RANBP9: variants seen among roughly 807,000 people sequenced by gnomAD.
RANBP9 encodes the protein RAN binding protein 9.
In RANBP9, 15 loss-of-function variants were observed where a neutral mutation model predicts 84.3. That is an observed-to-expected ratio of 0.18 (90% CI 0.12 to 0.27). The LOEUF is 0.27. Ranked by LOEUF, RANBP9 falls within the 10% of genes least tolerant of loss-of-function variation. The probability of loss-of-function intolerance (pLI) is 1.00; values close to 1 mark genes in which losing one functional copy is unlikely to be tolerated. For synonymous variants in RANBP9, 392 were observed against 349.6 expected (o/e 1.12, Z -1.35); for missense variants, 809 against 912.8 (o/e 0.89, Z 1.46).
At chr6:13,683,035 T>C (rs1447964641) in intron 2 of RANBP9, among the ~76,000 whole-genome samples, 1 of 152,242 alleles carries the variant, frequency 6.6e-6, no homozygotes, top group East Asian at 1.9e-4. Flanking sequence ...GGAAAACTCC[T>C]TAGATTCTGT....
rs546527624 is a variant in RANBP9 at position 13,665,044 on chromosome 6, A to G, written c.684-6212T>C. Reference sequence around the variant, plus strand: ...AGTCTTTTGAACAAATAGTAAAAAGATAACTGACATCCATGTGGAAAAAAG... The same window carrying G: ...AGTCTTTTGAACAAATAGTAAAAAGGTAACTGACATCCATGTGGAAAAAAG... On this transcript the variant is annotated intron_variant, in intron 2 of 13. Transcript: ENST00000011619. Among the ~76,000 whole-genome samples, 4 of 152,310 alleles carry G rather than the reference A, an allele frequency of 2.6e-5. No individual in the cohort carries two copies. In the South Asian group the frequency reaches 8.3e-4, roughly 32 times the overall value.
chr6:13,690,080 T>G (rs931879795), intron 2 of RANBP9, among the ~76,000 whole-genome samples: 1 of 152,190 alleles, frequency 6.6e-6, no homozygotes, highest in Non-Finnish European at 1.5e-5. Flanking sequence ...GACTCATGTC[T>G]TAGAACATGT....
chr6:13,704,387 G>A (rs1758047781), intron 1 of RANBP9, among the ~76,000 whole-genome samples: 1 of 152,102 alleles, frequency 6.6e-6, no homozygotes, highest in Non-Finnish European at 1.5e-5. Flanking sequence ...TAGCACTTTG[G>A]GAGGCTAAGG....
chr6:13,648,450 T>G (rs1331473105), intron 5 of RANBP9, among the ~76,000 whole-genome samples: 2 of 152,126 alleles, frequency 1.3e-5, no homozygotes, highest in Non-Finnish European at 2.9e-5. Context: ...CTGGCTTCTT[T>G]TATTTAGCAT....
intron 1 of RANBP9, among the ~76,000 whole-genome samples, chr6:13,698,720 A>G (rs1757898398): frequency 6.6e-6 from 1 of 152,210 alleles, no homozygotes; most frequent in African/African-American, 2.4e-5. Flanking sequence ...TTAATATCCA[A>G]AACAACCCCA....
intron 2 of RANBP9, among the ~76,000 whole-genome samples, chr6:13,692,246 A>G (rs564460289): frequency 1.3e-5 from 2 of 152,210 alleles, no homozygotes; most frequent in Non-Finnish European, 2.9e-5. Context: ...AAAGAAGTAC[A>G]ATAGTTTGGC....
At position 13,706,592 on chromosome 6, in the gene RANBP9, C is replaced by CT. The variant is rs537907549; in HGVS notation, c.571+4342dup. ...CCTGTATTCTCAGCTATTCAGGAGG[C>CT]TGAGGCAGAAGAATTGCTTGAACCC... On this transcript the variant is annotated intron_variant, in intron 1 of 13. Transcript: ENST00000011619. 1.7e-4 allele frequency among the ~76,000 whole-genome samples: 25 copies of CT among 151,264 alleles called. No individual in the cohort carries two copies. The South Asian group carries it at 4.2e-3, about 25-fold the overall frequency.
chr6:13,665,889 T>C (rs939118652), intron 2 of RANBP9, among the ~76,000 whole-genome samples: 2 of 152,200 alleles, frequency 1.3e-5, no homozygotes, highest in Non-Finnish European at 1.5e-5. Context: ...TAATTCCTTT[T>C]ATATGAAATT....
At chr6:13,647,696 GTATATA>G (rs1389638405) in intron 5 of RANBP9, among the ~76,000 whole-genome samples, 3 of 152,026 alleles carry the variant, frequency 2.0e-5, no homozygotes, top group Admixed American at 6.6e-5. Context: ...GTACATTTCT[GTATATA>G]TAAACATTTC....
At chr6:13,669,762 T>C (rs1765731270) in intron 2 of RANBP9, among the ~76,000 whole-genome samples, 1 of 152,134 alleles carries the variant, frequency 6.6e-6, no homozygotes, top group Admixed American at 6.5e-5. Context: ...CTAACTTTTT[T>C]TCGCATTTTT....
Position 13,642,554 on chromosome 6 carries a change from C to T in RANBP9, c.1150G>A (p.Ala384Thr). Residue 384 changes from alanine (A) to threonine (T), a missense_variant, in exon 7 of 14, where the codon GCC becomes ACC. Transcript: ENST00000011619. ...SSYLVHHGYCATAEAFARSTD... is the reference protein window; with the variant it reads ...SSYLVHHGYCTTAEAFARSTD... The stretch of plus-strand genomic sequence containing the variant: ...GATCTGGCAAAGGCCTCTGCTGTGG[C>T]ACAGTACCCATGGTGGACTAAATAA... The T allele has an allele frequency of 1.9e-6, 3 of 1,611,330 alleles. No individual in the cohort carries two copies. Among genetic ancestry groups the T allele is most frequent in the Non-Finnish European group, 2.5e-6 (3 of 1,178,186 alleles).
chr6:13,690,683 TTCTC>T (rs1021250660), intron 2 of RANBP9, among the ~76,000 whole-genome samples: 14 of 152,208 alleles, frequency 9.2e-5, no homozygotes, highest in African/African-American at 2.4e-4. Context: ...AAAAATTTTG[TTCTC>T]TCTCACATTT....
rs745787453 is a variant in RANBP9 at position 13,622,119 on chromosome 6, C to T, written c.*243G>A. 4 of 268,016 alleles carry T rather than the reference C, an allele frequency of 1.5e-5. No homozygotes were observed. The highest frequency in any genetic ancestry group is 2.7e-5 in the Non-Finnish European group (4 of 149,068). 16.6% of individuals were successfully genotyped at this position (268,016 alleles called of 1,614,324 possible). On this transcript the variant is annotated 3_prime_UTR_variant, in exon 14 of 14. Coordinates refer to ENST00000011619, the MANE Select transcript of RANBP9 (RefSeq NM_005493.3). The stretch of plus-strand genomic sequence containing the variant: ...AAGGATTTGTGATGATCAATTTGAA[C>T]GTCTGAAATTCAGTAATATTTAACT...
chr6:13,706,998 TC>T (rs1758144885), intron 1 of RANBP9, among the ~76,000 whole-genome samples: 1 of 114,902 alleles, frequency 8.7e-6, no homozygotes, highest in South Asian at 2.9e-4. Flanking sequence ...AGAGCAAGAC[TC>T]TGTCTCAAAA....
intron 2 of RANBP9, among the ~76,000 whole-genome samples, chr6:13,693,521 C>A (rs1378944331): frequency 6.6e-6 from 1 of 152,084 alleles, no homozygotes; most frequent in Non-Finnish European, 1.5e-5. Flanking sequence ...CCGAGGCGGA[C>A]AGATCACCTG....
chr6:13,696,183 A>C (rs1454845085), intron 2 of RANBP9, among the ~76,000 whole-genome samples: 2 of 152,170 alleles, frequency 1.3e-5, no homozygotes, highest in South Asian at 2.1e-4. Flanking sequence ...GGTAAGGCCC[A>C]AAAATTACTA....
intron 2 of RANBP9, among the ~76,000 whole-genome samples, chr6:13,680,837 T>C (rs1314150658): frequency 1.3e-5 from 2 of 151,624 alleles, no homozygotes; most frequent in Non-Finnish European, 2.9e-5. Flanking sequence ...ATGAGTATAA[T>C]GGTCACAAGC....
intron 2 of RANBP9, among the ~76,000 whole-genome samples, chr6:13,689,074 TTAAG>T (rs538847405): frequency 6.0e-4 from 90 of 149,466 alleles, no homozygotes; most frequent in African/African-American, 2.1e-3. Flanking sequence ...GGAGGATCAC[TTAAG>T]TAAGGGAGGT....
At chr6:13,693,188 G>A (rs1025342122) in intron 2 of RANBP9, among the ~76,000 whole-genome samples, 1 of 152,146 alleles carries the variant, frequency 6.6e-6, no homozygotes, top group Admixed American at 6.5e-5. Context: ...TAGAGAAAGG[G>A]ATAAGAGAAG....
Sources: allele counts gnomAD v4.1 joint callset (sites outside exome capture counted in the v4.1 genomes callset), GRCh38; gene constraint gnomAD v4.1.1; transcripts MANE v1.5; gene names NCBI Gene and HGNC (gene_info 2026-07-23, HGNC 2026-07-21).